The following MTUS2 variants were observed in gnomAD, a reference collection of about 807,000 sequenced individuals.
The protein encoded by MTUS2 is microtubule-associated tumor suppressor candidate 2.
MTUS2 carries 40 observed loss-of-function variants against 114.1 expected under a neutral mutation model. The ratio of observed to expected loss-of-function variants is 0.35; its 90% confidence interval spans 0.27 to 0.46. The LOEUF is 0.46. MTUS2 is among the 20% of genes least tolerant of loss of function. The pLI, the probability that MTUS2 is intolerant of heterozygous loss-of-function variation, is 1.00. For synonymous variants in MTUS2, 688 were observed against 672.0 expected (o/e 1.02, Z -0.37); for missense variants, 1,679 against 1,705.4 (o/e 0.98, Z 0.27).
chr13:28,882,873 G>A (rs150163986), intron 2 of MTUS2, among the ~76,000 whole-genome samples: 25 of 152,272 alleles, frequency 1.6e-4, no homozygotes, highest in African/African-American at 5.8e-4. Context: ...ACGAGCTACA[G>A]ACTGGAAGAA....
intron 7 of MTUS2, among the ~76,000 whole-genome samples, chr13:29,331,484 A>G (rs1178434445): frequency 1.3e-5 from 2 of 152,188 alleles, no homozygotes; most frequent in East Asian, 3.8e-4. Context: ...TATGGAACCA[A>G]AAAAGAGCCA....
At chr13:29,064,053 C>A (rs1350257511) in intron 4 of MTUS2, among the ~76,000 whole-genome samples, 1 of 152,158 alleles carries the variant, frequency 6.6e-6, no homozygotes, top group African/African-American at 2.4e-5. Flanking sequence ...CTGCTCCTAG[C>A]GCTGGCTCTG....
intron 2 of MTUS2, among the ~76,000 whole-genome samples, chr13:29,001,707 C>T (rs941582662): frequency 1.3e-5 from 2 of 152,140 alleles, no homozygotes; most frequent in Non-Finnish European, 2.9e-5. Context: ...TATGTTCCCT[C>T]ATGTGGCAAA....
At chr13:29,195,385 G>A (rs527456730) in intron 5 of MTUS2, among the ~76,000 whole-genome samples, 12 of 151,800 alleles carry the variant, frequency 7.9e-5, no homozygotes, top group African/African-American at 2.4e-4. Flanking sequence ...TAACATTTTG[G>A]TATATTTTCC....
At chr13:29,028,565 C>T (rs1886670425) in intron 3 of MTUS2, among the ~76,000 whole-genome samples, 1 of 151,832 alleles carries the variant, frequency 6.6e-6, no homozygotes, top group Non-Finnish European at 1.5e-5. Flanking sequence ...TTGGAATGTT[C>T]TCCCAGTTAT....
At chr13:29,044,145 G>A (rs1321260184) in intron 4 of MTUS2, among the ~76,000 whole-genome samples, 1 of 151,918 alleles carries the variant, frequency 6.6e-6, no homozygotes, top group Non-Finnish European at 1.5e-5. Context: ...TGTAGTGGAG[G>A]TTTGCTGGTT....
intron 5 of MTUS2, among the ~76,000 whole-genome samples, chr13:29,186,913 T>C (rs1002435405): frequency 2.6e-5 from 4 of 152,158 alleles, no homozygotes; most frequent in African/African-American, 9.7e-5. Context: ...TTGCAAAGTA[T>C]GTTAGTCAAT....
chr13:29,272,108 T>G (rs1025084728), intron 5 of MTUS2, among the ~76,000 whole-genome samples: 2 of 152,252 alleles, frequency 1.3e-5, no homozygotes, highest in African/African-American at 2.4e-5. Context: ...AGGTTTACTT[T>G]AGGCCTTTAA....
intron 10 of MTUS2, chr13:29,487,661 C>T (rs546542066): frequency 1.8e-6 from 1 of 549,672 alleles, no homozygotes; most frequent in East Asian, 3.2e-5. Flanking sequence ...AAAGAGGTAC[C>T]TCAGGCAGTG....
At chr13:29,372,930 C>T (rs1465215976) in intron 8 of MTUS2, among the ~76,000 whole-genome samples, 1 of 152,150 alleles carries the variant, frequency 6.6e-6, no homozygotes, top group Non-Finnish European at 1.5e-5. Flanking sequence ...CATCAAGCAG[C>T]TATTTGAGAA....
Position 29,253,091 on chromosome 13 carries a change from T to TC in MTUS2, c.2645-28612dup, listed in dbSNP as rs201089710. Among the ~76,000 whole-genome samples the TC allele has an allele frequency of 3.6e-3, 552 of 151,234 alleles. 1 individual carries two copies. Among genetic ancestry groups the TC allele is most frequent in the South Asian group, 0.014 (65 of 4,706 alleles). On this transcript the variant is annotated intron_variant, in intron 5 of 15. Coordinates refer to ENST00000612955, the MANE Select transcript of MTUS2 (RefSeq NM_001033602.4). ...TTACATTTTTGGCCTTTTTTTTTTT[T>TC]CTTCTCAGGGCCTCATCCTGGGTTA...
chr13:29,490,521 C>CTCT (rs1421364437), intron 11 of MTUS2, among the ~76,000 whole-genome samples: 2 of 152,268 alleles, frequency 1.3e-5, no homozygotes, highest in African/African-American at 4.8e-5. Flanking sequence ...TGCTTAATAA[C>CTCT]TCTTACATGA....
At chr13:28,911,999 T>C (rs1463464433) in intron 2 of MTUS2, among the ~76,000 whole-genome samples, 2 of 152,114 alleles carry the variant, frequency 1.3e-5, no homozygotes, top group Non-Finnish European at 2.9e-5. Flanking sequence ...AGAAGCCCTT[T>C]AGTTTAATTC....
chr13:28,966,249 T>C (rs1656917187), intron 2 of MTUS2, among the ~76,000 whole-genome samples: 2 of 152,214 alleles, frequency 1.3e-5, no homozygotes. Flanking sequence ...AAAAAATGAT[T>C]AATTCCTAGG....
At chr13:29,275,457 TAG>T (rs1898028869) in intron 5 of MTUS2, among the ~76,000 whole-genome samples, 1 of 152,232 alleles carries the variant, frequency 6.6e-6, no homozygotes, top group Non-Finnish European at 1.5e-5. Context: ...TAGTAAATAC[TAG>T]GTCTTATTTA....
intron 6 of MTUS2, among the ~76,000 whole-genome samples, chr13:29,289,824 A>G (rs1791123818): frequency 6.6e-6 from 1 of 152,090 alleles, no homozygotes; most frequent in Admixed American, 6.6e-5. Context: ...AATGTGAAGA[A>G]ATTTTAGAGG....
chr13:28,841,834 GTGCCACCACGCC>G (rs1875519038), intron 2 of MTUS2, among the ~76,000 whole-genome samples: 1 of 152,052 alleles, frequency 6.6e-6, no homozygotes, highest in South Asian at 2.1e-4. Flanking sequence ...TTACAGATGC[GTGCCACCACGCC>G]TGGCTAGATT....
At chr13:29,114,788 G>A (rs1056776283) in intron 5 of MTUS2, among the ~76,000 whole-genome samples, 3 of 152,202 alleles carry the variant, frequency 2.0e-5, no homozygotes, top group African/African-American at 4.8e-5. Context: ...CAGAGCTAAC[G>A]CCTCAGCTTG....
chr13:29,416,082 A>ATT (rs139281629), intron 8 of MTUS2, among the ~76,000 whole-genome samples: 26,319 of 127,566 alleles, frequency 0.21, 3,004 homozygotes, highest in Middle Eastern at 0.27. Context: ...CACCCCACTA[A>ATT]TTTTTTTTTT....
Sources: gnomAD v4.1 joint callset for allele counts (sites outside exome capture counted in the v4.1 genomes callset) on GRCh38, gnomAD v4.1.1 for gene constraint, MANE v1.5 for transcripts, NCBI Gene and HGNC (gene_info 2026-07-23, HGNC 2026-07-21) for gene names.